The following RNF24 variants were observed in gnomAD, a reference collection of about 807,000 sequenced individuals.
RNF24 encodes ring finger protein 24.
In RNF24, 14 loss-of-function variants were observed where a neutral mutation model predicts 20.0. The observed-to-expected ratio is 0.70, with a 90% confidence interval of 0.46 to 1.10. The LOEUF (loss-of-function observed/expected upper bound fraction) is 1.10, where lower values mean the gene tolerates loss of function less well. Among genes scored for constraint, RNF24 ranks in the 50% least tolerant of loss-of-function variants. The pLI, the probability that RNF24 is intolerant of heterozygous loss-of-function variation, is 0.00. For missense variants in RNF24, 124 were observed against 177.6 expected (o/e 0.70, Z 1.71); for synonymous variants, 45 against 61.1 (o/e 0.74, Z 1.23).
intron 1 of RNF24, among the ~76,000 whole-genome samples, chr20:3,994,929 G>A (rs1980741188): frequency 6.6e-6 from 1 of 152,206 alleles, no homozygotes. Context: ...TGGTAAAACA[G>A]CAACAAGCTA....
At chr20:3,976,396 A>C (rs1978869905) in intron 1 of RNF24, among the ~76,000 whole-genome samples, 1 of 152,242 alleles carries the variant, frequency 6.6e-6, no homozygotes, top group Admixed American at 6.5e-5. Flanking sequence ...GCAAGAATGC[A>C]GAGAAACTAG....
chr20:4,013,579 T>C (rs11698381), intron 1 of RNF24, among the ~76,000 whole-genome samples: 16,327 of 151,600 alleles, frequency 0.11, 1,181 homozygotes, highest in South Asian at 0.23. Context: ...CTCCGGGAGT[T>C]CAAGCGATTC....
intron 2 of RNF24, among the ~76,000 whole-genome samples, chr20:3,957,868 G>A (rs1030807413): frequency 2.6e-5 from 4 of 152,108 alleles, no homozygotes; most frequent in Non-Finnish European, 5.9e-5. Flanking sequence ...TGATAAAACC[G>A]TGTAGCTTAT....
chr20:3,991,105 G>T (rs1480468030), intron 1 of RNF24, among the ~76,000 whole-genome samples: 1 of 152,002 alleles, frequency 6.6e-6, no homozygotes, highest in Non-Finnish European at 1.5e-5. Flanking sequence ...GAAGGAGAAT[G>T]ACTTCACTGA....
At chr20:3,956,063 A>G (rs1171643217) in intron 2 of RNF24, among the ~76,000 whole-genome samples, 1 of 152,040 alleles carries the variant, frequency 6.6e-6, no homozygotes, top group East Asian at 1.9e-4. Flanking sequence ...TCTGTATAGG[A>G]TCATATCATC....
chr20:3,950,587 AC>A (rs1354446658), intron 2 of RNF24, among the ~76,000 whole-genome samples: 4 of 152,252 alleles, frequency 2.6e-5, no homozygotes, highest in Admixed American at 2.0e-4. Context: ...GCACTTTGTT[AC>A]AGCAACACTA....
At chr20:3,967,792 G>A (rs768142012) in intron 1 of RNF24, among the ~76,000 whole-genome samples, 2 of 151,152 alleles carry the variant, frequency 1.3e-5, no homozygotes, top group Admixed American at 6.6e-5. Flanking sequence ...TCAGGAGATC[G>A]AGACCATCTT....
At chr20:3,991,247 C>CTTT (rs10599625) in intron 1 of RNF24, among the ~76,000 whole-genome samples, 8 of 82,782 alleles carry the variant, frequency 9.7e-5, no homozygotes, top group South Asian at 4.2e-4. Flanking sequence ...TTTTAAACAA[C>CTTT]TTTTTTTTTT....
intron 1 of RNF24, among the ~76,000 whole-genome samples, chr20:3,981,185 A>AT (rs1161154465): frequency 2.1e-4 from 32 of 152,170 alleles, no homozygotes; most frequent in African/African-American, 7.7e-4. Flanking sequence ...AAGAAAAGAA[A>AT]TTGATGGTTT....
chr20:3,994,249 T>C (rs1980686725), intron 1 of RNF24, among the ~76,000 whole-genome samples: 1 of 152,136 alleles, frequency 6.6e-6, no homozygotes, highest in South Asian at 2.1e-4. Context: ...AGAGTGGCCC[T>C]AAAGATAGAA....
intron 4 of RNF24, among the ~76,000 whole-genome samples, chr20:3,941,377 G>A (rs2090953723): frequency 6.6e-6 from 1 of 152,046 alleles, no homozygotes; most frequent in Non-Finnish European, 1.5e-5. Context: ...AGAGGGGAAG[G>A]AAAAGGGATC....
chr20:3,972,347 A>C (rs1292441945), intron 1 of RNF24, among the ~76,000 whole-genome samples: 1 of 152,046 alleles, frequency 6.6e-6, no homozygotes, highest in Non-Finnish European at 1.5e-5. Context: ...CAAAATATAC[A>C]TTCTTTTCAA....
intron 1 of RNF24, among the ~76,000 whole-genome samples, chr20:3,986,337 G>A (rs573953838): frequency 6.6e-6 from 1 of 151,624 alleles, no homozygotes; most frequent in Non-Finnish European, 1.5e-5. Context: ...CTGCAGCCTC[G>A]ACCTCCTGAG....
chr20:3,996,469 G>A (rs1207811465), intron 1 of RNF24, among the ~76,000 whole-genome samples: 1 of 152,094 alleles, frequency 6.6e-6, no homozygotes, highest in African/African-American at 2.4e-5. Context: ...TTCTCTAGAG[G>A]AAGCTAGAGA....
intron 3 of RNF24, among the ~76,000 whole-genome samples, chr20:3,945,693 C>T (rs1438880720): frequency 4.0e-5 from 5 of 125,314 alleles, no homozygotes; most frequent in Non-Finnish European, 8.1e-5. Context: ...CTAGCCTGGG[C>T]AACAAGAGCG....
intron 3 of RNF24, among the ~76,000 whole-genome samples, chr20:3,947,665 A>G (rs1600639552): frequency 6.6e-6 from 1 of 152,226 alleles, no homozygotes; most frequent in East Asian, 1.9e-4. Flanking sequence ...ATTACAAGCT[A>G]TAGCATTTCT....
intron 2 of RNF24, among the ~76,000 whole-genome samples, chr20:3,949,404 G>A (rs1178524384): frequency 6.6e-6 from 1 of 150,944 alleles, no homozygotes; most frequent in African/African-American, 2.4e-5. Flanking sequence ...TACTCACCCT[G>A]GCCGGACACA....
intron 3 of RNF24, among the ~76,000 whole-genome samples, chr20:3,947,081 G>GCCAT (rs553915863): frequency 0.01 from 1,551 of 152,260 alleles, 17 homozygotes; most frequent in African/African-American, 0.035. Flanking sequence ...TGTCGTCCCA[G>GCCAT]CTACTTGGGA....
At chr20:4,012,902 T>C (rs991299053) in intron 1 of RNF24, among the ~76,000 whole-genome samples, 3 of 152,158 alleles carry the variant, frequency 2.0e-5, no homozygotes, top group African/African-American at 4.8e-5. Context: ...CCCCTTACGG[T>C]TTGTTTTAAG....
Sources: allele counts gnomAD v4.1 joint callset (sites outside exome capture counted in the v4.1 genomes callset), GRCh38; gene constraint gnomAD v4.1.1; transcripts MANE v1.5; gene names NCBI Gene and HGNC (gene_info 2026-07-23, HGNC 2026-07-21).